The following PDE10A variants were observed in gnomAD, a reference collection of about 807,000 sequenced individuals.
PDE10A encodes the protein phosphodiesterase 10A, also known as cAMP and cAMP-inhibited cGMP 3',5'-cyclic phosphodiesterase 10A.
PDE10A carries 39 observed loss-of-function variants against 97.7 expected under a neutral mutation model. The ratio of observed to expected loss-of-function variants is 0.40; its 90% CI spans 0.31 to 0.52. The LOEUF (loss-of-function observed/expected upper bound fraction) is 0.52, where lower values mean the gene tolerates loss of function less well. PDE10A is among the 20% of genes least tolerant of loss of function. The pLI is 0.56. For synonymous variants in PDE10A, 371 were observed against 376.8 expected, an observed-to-expected ratio of 0.98 and a Z score of 0.18; for missense variants, 731 against 1,047.8, an observed-to-expected ratio of 0.70 and a Z score of 4.17.
At chr6:165,453,852 T>C (rs1777780359) in intron 3 of PDE10A, among the ~76,000 whole-genome samples, 1 of 152,128 alleles carries the variant, frequency 6.6e-6, no homozygotes, top group Non-Finnish European at 1.5e-5. Context: ...AGCAAGGCCA[T>C]CTCAGAGACT....
chr6:165,709,876 T>C (rs1297123288), intron 1 of PDE10A, among the ~76,000 whole-genome samples: 1 of 151,352 alleles, frequency 6.6e-6, no homozygotes, highest in African/African-American at 2.4e-5. Flanking sequence ...TTCACTCTTT[T>C]GCTTCAAATT....
chr6:165,565,219 A>C (rs1356691858), intron 1 of PDE10A, among the ~76,000 whole-genome samples: 1 of 152,168 alleles, frequency 6.6e-6, no homozygotes, highest in African/African-American at 2.4e-5. Context: ...AATCAACAAA[A>C]GCTTCTTGGA....
chr6:165,586,855 T>C (rs553822012), intron 1 of PDE10A, among the ~76,000 whole-genome samples: 29 of 152,286 alleles, frequency 1.9e-4, no homozygotes, highest in Middle Eastern at 6.8e-3. Flanking sequence ...GTCTTTCTTA[T>C]ATAACTCTTT....
chr6:165,971,383 C>T (rs1349754147), intron 1 of PDE10A, among the ~76,000 whole-genome samples: 1 of 152,156 alleles, frequency 6.6e-6, no homozygotes, highest in Non-Finnish European at 1.5e-5. Flanking sequence ...ACCTCTGCAA[C>T]ACACTGGACG....
At chr6:165,535,432 G>A (rs1783023253) in intron 2 of PDE10A, among the ~76,000 whole-genome samples, 1 of 151,734 alleles carries the variant, frequency 6.6e-6, no homozygotes, top group Admixed American at 6.6e-5. Context: ...ATGTCCATGT[G>A]TACATATTAT....
intron 1 of PDE10A, among the ~76,000 whole-genome samples, chr6:165,943,199 GAAAGAA>G (rs1783602992): frequency 2.1e-5 from 1 of 47,874 alleles, no homozygotes; most frequent in Non-Finnish European, 4.1e-5. Context: ...AAGAAAGAAA[GAAAGAA>G]AGAAAGAAAG....
At chr6:165,869,545 C>T (rs190071028) in intron 1 of PDE10A, among the ~76,000 whole-genome samples, 4 of 151,966 alleles carry the variant, frequency 2.6e-5, no homozygotes, top group Non-Finnish European at 4.4e-5. Context: ...AGATTTGATG[C>T]GTCCCCTATC....
intron 2 of PDE10A, among the ~76,000 whole-genome samples, chr6:165,490,695 G>C (rs1487092662): frequency 6.6e-6 from 1 of 152,158 alleles, no homozygotes; most frequent in African/African-American, 2.4e-5. Flanking sequence ...GGCTGGACGT[G>C]GTGGTTCATG....
intron 1 of PDE10A, among the ~76,000 whole-genome samples, chr6:165,895,164 C>T (rs1781910242): frequency 6.7e-6 from 1 of 149,952 alleles, no homozygotes. Context: ...AAACTCCTAA[C>T]TGCAGTACTT....
At chr6:165,917,120 A>G (rs1782627406) in intron 1 of PDE10A, among the ~76,000 whole-genome samples, 1 of 152,186 alleles carries the variant, frequency 6.6e-6, no homozygotes, top group South Asian at 2.1e-4. Flanking sequence ...CGGTGGCAAC[A>G]GGGAGCAGTG....
chr6:165,757,943 T>C (rs1793156300), intron 1 of PDE10A, among the ~76,000 whole-genome samples: 1 of 152,222 alleles, frequency 6.6e-6, no homozygotes, highest in Non-Finnish European at 1.5e-5. Context: ...AAGTATACAC[T>C]AACAAAATTC....
intron 1 of PDE10A, among the ~76,000 whole-genome samples, chr6:165,583,044 C>A (rs1343883798): frequency 6.6e-6 from 1 of 152,168 alleles, no homozygotes; most frequent in Non-Finnish European, 1.5e-5. Context: ...CTTTTCTGAG[C>A]CAGCTGCTTA....
At chr6:165,525,412 T>C (rs1289226466) in intron 2 of PDE10A, among the ~76,000 whole-genome samples, 1 of 152,072 alleles carries the variant, frequency 6.6e-6, no homozygotes, top group Non-Finnish European at 1.5e-5. Context: ...GCATTAAAAA[T>C]GGCCTACTAT....
At chr6:165,786,329 T>C (rs1778492264) in intron 1 of PDE10A, among the ~76,000 whole-genome samples, 1 of 152,224 alleles carries the variant, frequency 6.6e-6, no homozygotes, top group Admixed American at 6.5e-5. Context: ...GCTGTGCTTT[T>C]AAACCCACTA....
Position 165,661,891 on chromosome 6 carries a change from C to T in PDE10A, c.865+56G>A, listed in dbSNP as rs1790285623. On this transcript the variant is annotated intron_variant, in intron 1 of 21. Transcript: ENST00000539869. This position sits in a 1 kb window ranked among gnomAD's most constrained non-coding sequence, Gnocchi z 4.8. The stretch of plus-strand genomic sequence containing the variant: ...CCCAGCAGTCCAAGCCCCCCACCTG[C>T]CCCCAGGGGATGAGGAGCCGCCCCA... 4 of 753,984 alleles carry T rather than the reference C, an allele frequency of 5.3e-6. No homozygotes were observed. The highest frequency in any genetic ancestry group is 2.1e-5 in the Admixed American group (1 of 46,540). The allele number at this position is 753,984 out of a possible 1,614,324, so 46.7% of individuals were successfully genotyped here. A position where few individuals can be genotyped will look rare whatever the true frequency, so the allele number is the denominator to read the frequency against.
intron 1 of PDE10A, among the ~76,000 whole-genome samples, chr6:165,744,742 A>G (rs1159063357): frequency 6.6e-6 from 1 of 152,048 alleles, no homozygotes; most frequent in African/African-American, 2.4e-5. Context: ...GTGTTATGTG[A>G]TGTAGAGTAG....
At chr6:165,975,015 T>C (rs906674074) in intron 1 of PDE10A, among the ~76,000 whole-genome samples, 1 of 152,198 alleles carries the variant, frequency 6.6e-6, no homozygotes, top group African/African-American at 2.4e-5. Context: ...GGTGTTACCT[T>C]GAGCTGCACT....
chr6:165,494,534 A>ATT (rs138727157), intron 2 of PDE10A, among the ~76,000 whole-genome samples: 25,966 of 143,668 alleles, frequency 0.18, 2,621 homozygotes, highest in African/African-American at 0.26. Context: ...ATATATATAT[A>ATT]TATTTATTTA....
intron 2 of PDE10A, among the ~76,000 whole-genome samples, chr6:165,520,923 C>A (rs2128308154): frequency 6.6e-6 from 1 of 152,190 alleles, no homozygotes; most frequent in Non-Finnish European, 1.5e-5. Context: ...AGCCCTAGGA[C>A]AGGCATACTG....
Sources: allele counts gnomAD v4.1 joint callset (sites outside exome capture counted in the v4.1 genomes callset), GRCh38; gene constraint gnomAD v4.1.1; non-coding constraint Gnocchi (gnomAD v3.1); transcripts MANE v1.5; gene names NCBI Gene and HGNC (gene_info 2026-07-23, HGNC 2026-07-21).